MLIP: variants seen among roughly 807,000 people sequenced by gnomAD.
MLIP encodes muscular LMNA-interacting protein.
Under a neutral mutation model 84.8 loss-of-function variants are expected in MLIP, and 79 were observed. The ratio of observed to expected loss-of-function variants is 0.93; its 90% CI spans 0.78 to 1.12. The LOEUF (loss-of-function observed/expected upper bound fraction) is 1.12. Among genes scored for constraint, MLIP ranks in the 50% most tolerant of loss-of-function variants. MLIP has a pLI of 0.00. For missense variants in MLIP, 1,257 were observed against 1,160.6 expected, an observed-to-expected ratio of 1.08 and a Z score of -1.21; for synonymous variants, 504 against 463.0, an observed-to-expected ratio of 1.09 and a Z score of -1.14.
chr6:54,232,501 A>G (rs1042348139), intron 12 of MLIP, among the ~76,000 whole-genome samples: 1 of 152,178 alleles, frequency 6.6e-6, no homozygotes. Context: ...ATAAAGAACC[A>G]TTCATAACCA....
At chr6:54,228,022 A>G (rs1017653797) in intron 11 of MLIP, among the ~76,000 whole-genome samples, 2 of 151,938 alleles carry the variant, frequency 1.3e-5, no homozygotes, top group Non-Finnish European at 2.9e-5. Flanking sequence ...TCTCTACTAA[A>G]AATACAAAAA....
At chr6:54,193,380 T>A (rs562317642) in intron 10 of MLIP, among the ~76,000 whole-genome samples, 3 of 152,130 alleles carry the variant, frequency 2.0e-5, no homozygotes, top group South Asian at 2.1e-4. Context: ...TAGGGAGAGG[T>A]TATTTTTGCA....
chr6:54,038,508 G>A (rs959842186), intron 1 of MLIP, among the ~76,000 whole-genome samples: 5 of 151,742 alleles, frequency 3.3e-5, no homozygotes, highest in African/African-American at 1.2e-4. Context: ...TTCTTTACTA[G>A]AATAATTTAT....
At chr6:54,026,924 G>T (rs1288555041) in intron 1 of MLIP, among the ~76,000 whole-genome samples, 1 of 152,106 alleles carries the variant, frequency 6.6e-6, no homozygotes, top group Non-Finnish European at 1.5e-5. Context: ...AAAGTGAAAG[G>T]TTGGATTGGA....
intron 2 of MLIP, among the ~76,000 whole-genome samples, chr6:54,123,090 C>T (rs76767099): frequency 3.7e-5 from 5 of 136,422 alleles, no homozygotes; most frequent in South Asian, 4.5e-4. Flanking sequence ...TCTGCCACCG[C>T]GCCCGGCTAA....
At chr6:54,083,212 A>G (rs1159225927) in intron 1 of MLIP, among the ~76,000 whole-genome samples, 2 of 152,030 alleles carry the variant, frequency 1.3e-5, no homozygotes, top group Non-Finnish European at 2.9e-5. Context: ...ATATACTAAT[A>G]TACATATTAA....
intron 10 of MLIP, among the ~76,000 whole-genome samples, chr6:54,197,825 A>G (rs1778405195): frequency 6.6e-6 from 1 of 151,926 alleles, no homozygotes; most frequent in Non-Finnish European, 1.5e-5. Flanking sequence ...AGTTTTATAG[A>G]CTCCCCTAAC....
At chr6:54,186,092 T>G (rs2150657940) in intron 9 of MLIP, among the ~76,000 whole-genome samples, 2 of 152,232 alleles carry the variant, frequency 1.3e-5, no homozygotes, top group Middle Eastern at 6.8e-3. Context: ...TACAAAGGAC[T>G]TCATCATTTG....
chr6:54,035,708 G>A (rs1422698216), intron 1 of MLIP, among the ~76,000 whole-genome samples: 1 of 151,898 alleles, frequency 6.6e-6, no homozygotes, highest in Non-Finnish European at 1.5e-5. Context: ...ATATTCCCTT[G>A]ATTGTTAGGG....
At position 54,266,006 on chromosome 6, in the gene MLIP, G is replaced by C. The variant is rs1332706275; in HGVS notation, c.*51G>C. On this transcript the variant is annotated 3_prime_UTR_variant, in exon 14 of 14. Transcript: ENST00000502396. The stretch of plus-strand genomic sequence containing the variant: ...GGCTGCTGAAGTTTTTTGGAATGCT[G>C]GTGCTAACCACTTGCTAGATTTAAC... 6.3e-7 allele frequency: 1 copy of C among 1,595,234 alleles called. No individual in the cohort carries two copies. The highest frequency in any genetic ancestry group is 8.6e-7 in the Non-Finnish European group (1 of 1,167,884).
intron 3 of MLIP, among the ~76,000 whole-genome samples, chr6:54,126,763 ATGCC>A (rs1770953115): frequency 6.6e-6 from 1 of 152,180 alleles, no homozygotes; most frequent in African/African-American, 2.4e-5. Flanking sequence ...GGGCTGCTTG[ATGCC>A]AACAATATCA....
intron 11 of MLIP, chr6:54,217,477 C>T: frequency 1.0e-6 from 1 of 985,346 alleles, no homozygotes; most frequent in African/African-American, 1.7e-5. Flanking sequence ...TCTGATGTGT[C>T]TGTCAGTTAA....
chr6:54,145,558 A>G (rs1175441494), intron 4 of MLIP, among the ~76,000 whole-genome samples: 1 of 151,956 alleles, frequency 6.6e-6, no homozygotes, highest in Non-Finnish European at 1.5e-5. Flanking sequence ...GAGGCCTTAA[A>G]CCTAAGAATT....
At chr6:54,082,156 A>T (rs989003961) in intron 1 of MLIP, among the ~76,000 whole-genome samples, 2 of 152,176 alleles carry the variant, frequency 1.3e-5, no homozygotes, top group Admixed American at 6.6e-5. Context: ...AGATGCAGGT[A>T]TGTTAATACA....
chr6:54,201,544 A>G (rs2792642), intron 10 of MLIP, among the ~76,000 whole-genome samples: 147,434 of 152,258 alleles, frequency 0.97, 71,568 homozygotes, highest in East Asian at 1. Flanking sequence ...TTACTGCACA[A>G]CAGTTTAAAT....
At chr6:54,252,449 GTATAT>G (rs1439064565) in intron 12 of MLIP, among the ~76,000 whole-genome samples, 5 of 86,210 alleles carry the variant, frequency 5.8e-5, no homozygotes, top group Admixed American at 1.2e-4. Flanking sequence ...TATAACTATA[GTATAT>G]TATAACATAT....
At chr6:54,149,485 T>G (rs1773210825) in intron 5 of MLIP, among the ~76,000 whole-genome samples, 1 of 152,114 alleles carries the variant, frequency 6.6e-6, no homozygotes, top group Admixed American at 6.6e-5. Context: ...ATCAAAAGAA[T>G]TGAGGTGAAA....
chr6:54,147,378 G>T (rs1332295791), intron 4 of MLIP, among the ~76,000 whole-genome samples: 2 of 152,178 alleles, frequency 1.3e-5, no homozygotes, highest in African/African-American at 4.8e-5. Context: ...CCCATGGAAA[G>T]ATAGTATTTC....
rs547048022 is a variant in MLIP, at chr6:54,129,347, C to T, written c.645+4482C>T. On this transcript the variant is annotated intron_variant, in intron 3 of 13. Coordinates refer to ENST00000502396, the MANE Select transcript of MLIP (RefSeq NM_001281747.2). ...TTGACAAAAAATATTTTTCTCACTTCTGCTTCCCATCACCTAATACAATGC... is the reference window on the plus strand; with the variant it reads ...TTGACAAAAAATATTTTTCTCACTTTTGCTTCCCATCACCTAATACAATGC... Among the ~76,000 whole-genome samples, 8 of 152,228 alleles carry T rather than the reference C, an allele frequency of 5.3e-5. No homozygotes were observed. In the South Asian group the frequency reaches 1.7e-3, roughly 32 times the overall value.
Sources: gnomAD v4.1 joint callset for allele counts (sites outside exome capture counted in the v4.1 genomes callset) on GRCh38, gnomAD v4.1.1 for gene constraint, MANE v1.5 for transcripts, NCBI Gene and HGNC (gene_info 2026-07-23, HGNC 2026-07-21) for gene names.